Variants in GLRA3 observed in about 807,000 individuals in gnomAD.
GLRA3 encodes the protein glycine receptor alpha 3.
Under a neutral mutation model 60.4 loss-of-function variants are expected in GLRA3, and 44 were observed. The observed-to-expected ratio is 0.73, with a 90% CI of 0.57 to 0.94. The LOEUF is 0.94. Among genes scored for constraint, GLRA3 ranks in the 40% least tolerant of loss-of-function variants. The pLI is 0.00. For missense variants in GLRA3, 508 were observed against 564.6 expected (o/e 0.90, Z 1.02); for synonymous variants, 223 against 192.9 (o/e 1.16, Z -1.29).
At chr4:174,723,449 T>C (rs932055039) in intron 4 of GLRA3, among the ~76,000 whole-genome samples, 15 of 152,248 alleles carry the variant, frequency 9.9e-5, no homozygotes, top group African/African-American at 3.6e-4. Context: ...CTCAGTAGTG[T>C]GTTCTTTGTG....
intron 3 of GLRA3, among the ~76,000 whole-genome samples, chr4:174,731,090 A>C (rs551644938): frequency 6.6e-6 from 1 of 152,332 alleles, no homozygotes; most frequent in African/African-American, 2.4e-5. Flanking sequence ...CAGGGTTCAA[A>C]GCAAAACAAA....
chr4:174,796,869 A>G (rs1411134347), intron 1 of GLRA3, among the ~76,000 whole-genome samples: 1 of 152,110 alleles, frequency 6.6e-6, no homozygotes, highest in Non-Finnish European at 1.5e-5. Flanking sequence ...GGCTTTGCTT[A>G]CAGAAAGACT....
chr4:174,677,941 T>G (rs1734194357), intron 6 of GLRA3, among the ~76,000 whole-genome samples: 1 of 152,188 alleles, frequency 6.6e-6, no homozygotes, highest in Non-Finnish European at 1.5e-5. Flanking sequence ...AAAGATCTTC[T>G]TTACTCATAG....
At chr4:174,718,071 G>C (rs1735990307) in intron 4 of GLRA3, among the ~76,000 whole-genome samples, 1 of 152,110 alleles carries the variant, frequency 6.6e-6, no homozygotes, top group Non-Finnish European at 1.5e-5. Flanking sequence ...GAATTATTTG[G>C]CAAAGAAAAA....
chr4:174,688,333 ATATATATATATATATATATAT>A (rs1343392383), intron 5 of GLRA3, among the ~76,000 whole-genome samples: 1 of 106,682 alleles, frequency 9.4e-6, no homozygotes, highest in Non-Finnish European at 1.9e-5. Flanking sequence ...ATATATATAT[ATATATATATATATATATATAT>A]ATATATATAT....
At chr4:174,707,423 T>C (rs1735557453) in intron 5 of GLRA3, among the ~76,000 whole-genome samples, 1 of 152,198 alleles carries the variant, frequency 6.6e-6, no homozygotes, top group South Asian at 2.1e-4. Flanking sequence ...AGTACTCAGA[T>C]GACTGTAGAT....
At chr4:174,751,844 T>C (rs926604983) in intron 3 of GLRA3, among the ~76,000 whole-genome samples, 1 of 152,044 alleles carries the variant, frequency 6.6e-6, no homozygotes, top group Non-Finnish European at 1.5e-5. Context: ...AATTCAGAGA[T>C]ATGTACAGAG....
chr4:174,798,193 T>G (rs1739644500), intron 1 of GLRA3, among the ~76,000 whole-genome samples: 1 of 152,152 alleles, frequency 6.6e-6, no homozygotes, highest in South Asian at 2.1e-4. Context: ...GAATGACTCT[T>G]GGGGAACAAA....
chr4:174,674,748 A>C (rs1232378492), intron 7 of GLRA3, among the ~76,000 whole-genome samples: 1 of 152,152 alleles, frequency 6.6e-6, no homozygotes, highest in Non-Finnish European at 1.5e-5. Flanking sequence ...AATTGTCAGT[A>C]GGTAAATTCT....
chr4:174,649,480 A>G (rs943596171), intron 9 of GLRA3, among the ~76,000 whole-genome samples: 58 of 152,190 alleles, frequency 3.8e-4, no homozygotes, highest in African/African-American at 1.3e-3. Flanking sequence ...TCCTTAGCCC[A>G]GTTTTAATTG....
chr4:174,706,039 G>T (rs967217311), intron 5 of GLRA3, among the ~76,000 whole-genome samples: 5 of 151,964 alleles, frequency 3.3e-5, no homozygotes, highest in African/African-American at 1.2e-4. Context: ...ACCATCCTGT[G>T]TAACATGGTG....
chr4:174,700,727 A>G (rs35706713), intron 5 of GLRA3, among the ~76,000 whole-genome samples: 25,667 of 152,210 alleles, frequency 0.17, 2,449 homozygotes, highest in East Asian at 0.33. Context: ...CACATGGACA[A>G]TAAGAAAGCA....
intron 7 of GLRA3, among the ~76,000 whole-genome samples, chr4:174,665,750 C>A (rs1433823011): frequency 6.6e-6 from 1 of 152,112 alleles, no homozygotes; most frequent in Non-Finnish European, 1.5e-5. Context: ...AAGACAAAGG[C>A]CAGACCTTAT....
rs536299639 is a variant in GLRA3 at position 174,687,766 on chromosome 4, C to T, written c.575-4827G>A. On this transcript the variant is annotated intron_variant, in intron 5 of 9. Transcript: ENST00000274093. ...CACAAATGTGATACTTTGATATGTA[C>T]GATGAAGTGTGTCAGCTGTTTGGAA... Among the ~76,000 whole-genome samples, 8 of 152,148 alleles carry T rather than the reference C, an allele frequency of 5.3e-5. No homozygotes were observed. In the East Asian group the frequency reaches 1.4e-3, roughly 26 times the overall value.
chr4:174,777,334 T>A (rs551791911), intron 2 of GLRA3, among the ~76,000 whole-genome samples: 32 of 152,298 alleles, frequency 2.1e-4, no homozygotes, highest in East Asian at 7.7e-4. Context: ...CAAAACAGAT[T>A]ATCCTGGAAT....
chr4:174,642,720 TA>T lies in GLRA3; in HGVS notation c.*1065del, dbSNP rs571521316. 226 of 723,702 alleles carry T rather than the reference TA, an allele frequency of 3.1e-4. 2 individuals are homozygous for T. In the African/African-American group the frequency reaches 4.0e-3, roughly 13 times the overall value. The allele number at this position is 723,702 out of a possible 1,614,324, so 44.8% of individuals were successfully genotyped here. ...ATAGAAATGACTTACTTATATCATT[TA>T]AAATTAAAACTTTCCCTACTTATAT... On this transcript the variant is annotated 3_prime_UTR_variant, in exon 10 of 10. Coordinates refer to ENST00000274093, the MANE Select transcript of GLRA3 (RefSeq NM_006529.4).
chr4:174,748,455 AT>A (rs1465913710), intron 3 of GLRA3, among the ~76,000 whole-genome samples: 1 of 152,154 alleles, frequency 6.6e-6, no homozygotes, highest in Non-Finnish European at 1.5e-5. Flanking sequence ...AAATAAACAA[AT>A]CCAGGGAAAG....
intron 3 of GLRA3, among the ~76,000 whole-genome samples, chr4:174,745,095 C>G (rs554459666): frequency 6.6e-6 from 1 of 151,990 alleles, no homozygotes; most frequent in Non-Finnish European, 1.5e-5. Context: ...TTTGAAATAA[C>G]TCAGGGAAAA....
At chr4:174,709,432 G>A (rs1010708417) in intron 5 of GLRA3, among the ~76,000 whole-genome samples, 4 of 151,964 alleles carry the variant, frequency 2.6e-5, no homozygotes, top group Admixed American at 2.0e-4. Flanking sequence ...AGAATAAAGT[G>A]TGAATTTTGG....
Sources: allele counts gnomAD v4.1 joint callset (sites outside exome capture counted in the v4.1 genomes callset), GRCh38; gene constraint gnomAD v4.1.1; transcripts MANE v1.5; gene names NCBI Gene and HGNC (gene_info 2026-07-23, HGNC 2026-07-21).